The following IQCM variants were observed in gnomAD, a reference collection of about 807,000 sequenced individuals.
IQCM encodes the protein IQ domain-containing protein M.
IQCM carries 45 observed loss-of-function variants against 57.6 expected under a neutral mutation model. That is an observed-to-expected ratio of 0.78 (90% CI 0.62 to 1.00). IQCM has a LOEUF of 1.00. Ranked by LOEUF, IQCM falls within the 50% of genes least tolerant of loss-of-function variation. The pLI, the probability that IQCM is intolerant of heterozygous loss-of-function variation, is 0.00. For synonymous variants in IQCM, 148 were observed against 158.9 expected, an observed-to-expected ratio of 0.93 and a Z score of 0.51; for missense variants, 468 against 511.6, an observed-to-expected ratio of 0.91 and a Z score of 0.82.
At chr4:149,515,852 A>C (rs1292217420) in intron 12 of IQCM, among the ~76,000 whole-genome samples, 1 of 152,120 alleles carries the variant, frequency 6.6e-6, no homozygotes, top group African/African-American at 2.4e-5. Context: ...ATGTGGATGG[A>C]CCTCTCGGAG....
At chr4:149,813,447 T>C (rs1212292050) in intron 2 of IQCM, among the ~76,000 whole-genome samples, 1 of 152,026 alleles carries the variant, frequency 6.6e-6, no homozygotes, top group Non-Finnish European at 1.5e-5. Flanking sequence ...GTAATTGAAG[T>C]ACTACACCCA....
chr4:149,454,652 C>T (rs1412560187), intron 12 of IQCM, among the ~76,000 whole-genome samples: 1 of 151,980 alleles, frequency 6.6e-6, no homozygotes, highest in Non-Finnish European at 1.5e-5. Context: ...TTCATCCATA[C>T]ACTGGAATAT....
rs1444349222 is a variant in IQCM at position 149,648,183 on chromosome 4, A to G, written c.566-26939T>C. Among the ~76,000 whole-genome samples the G allele has an allele frequency of 2.0e-5, 3 of 152,170 alleles. 1 individual carries two copies. The highest frequency in any genetic ancestry group is 4.4e-5 in the Non-Finnish European group (3 of 68,034). ...TTTAGTATCTAATCTTATCATTCCA[A>G]TATCTGAATCTGATTGAAGCTGTTA... is the stretch of plus-strand genomic sequence containing the variant. On this transcript the variant is annotated intron_variant, in intron 7 of 13. Transcript: ENST00000636793.
chr4:149,720,419 G>C (rs1765351688), intron 5 of IQCM, among the ~76,000 whole-genome samples: 1 of 152,040 alleles, frequency 6.6e-6, no homozygotes, highest in Non-Finnish European at 1.5e-5. Flanking sequence ...AAAAGTTAGT[G>C]AACTTTGTGG....
intron 2 of IQCM, among the ~76,000 whole-genome samples, chr4:149,810,814 T>C (rs1352624485): frequency 6.6e-6 from 1 of 152,182 alleles, no homozygotes; most frequent in African/African-American, 2.4e-5. Context: ...TGGATTTGGA[T>C]TGGGTGATAA....
intron 2 of IQCM, among the ~76,000 whole-genome samples, chr4:149,793,986 G>T (rs981696690): frequency 6.6e-6 from 1 of 152,182 alleles, no homozygotes. Flanking sequence ...AAGCAGAGTG[G>T]CCAGAAAACT....
intron 7 of IQCM, among the ~76,000 whole-genome samples, chr4:149,679,557 G>A (rs1215842136): frequency 6.6e-6 from 1 of 151,360 alleles, no homozygotes; most frequent in Non-Finnish European, 1.5e-5. Context: ...AATATTTATG[G>A]TGATGGACAT....
chr4:149,699,299 C>T (rs72726193), intron 5 of IQCM, among the ~76,000 whole-genome samples: 31,648 of 151,938 alleles, frequency 0.21, 4,121 homozygotes, highest in Non-Finnish European at 0.28. Flanking sequence ...ATAGTATACA[C>T]TCTTCCCCAA....
rs1239747555 is a variant in IQCM, at chr4:149,521,690, TG to T, written c.1228+26764del. Among the ~76,000 whole-genome samples the T allele has an allele frequency of 9.8e-5, 15 of 152,348 alleles. No homozygotes were observed. In the South Asian group the frequency reaches 3.1e-3, roughly 32 times the overall value. On this transcript the variant is annotated intron_variant, in intron 12 of 13. Transcript: ENST00000636793. ...GCATTAAAGGCTTCACTGGACTAAT[TG>T]GGTGTGACTGAGACAAACATGAATT...
At chr4:149,525,089 A>T (rs772229799) in intron 12 of IQCM, among the ~76,000 whole-genome samples, 4 of 151,888 alleles carry the variant, frequency 2.6e-5, no homozygotes, top group Non-Finnish European at 5.9e-5. Context: ...AAGGAAAAAT[A>T]ATTCCAGTAT....
chr4:149,740,451 A>C (rs1767351130), intron 3 of IQCM, among the ~76,000 whole-genome samples: 1 of 152,192 alleles, frequency 6.6e-6, no homozygotes, highest in Admixed American at 6.6e-5. Flanking sequence ...CAGTCAGTTA[A>C]GATAGGCACT....
intron 8 of IQCM, among the ~76,000 whole-genome samples, chr4:149,604,317 C>A (rs976422129): frequency 1.3e-5 from 2 of 152,160 alleles, no homozygotes; most frequent in African/African-American, 4.8e-5. Context: ...ATCTACACAA[C>A]TAATATAAGC....
chr4:149,751,294 C>A (rs1214301579), intron 2 of IQCM, among the ~76,000 whole-genome samples: 2 of 152,312 alleles, frequency 1.3e-5, no homozygotes, highest in South Asian at 4.1e-4. Context: ...TCCGTGAATT[C>A]TTTCTTTACC....
At position 149,735,358 on chromosome 4, in the gene IQCM, T is replaced by C. The variant is rs1277273079; in HGVS notation, c.120+18A>G. 14 of 1,196,872 alleles carry C rather than the reference T, an allele frequency of 1.2e-5. No individual in the cohort carries two copies. Among genetic ancestry groups the C allele is most frequent in the Non-Finnish European group, 1.5e-5 (14 of 956,090 alleles). 74.1% of individuals were successfully genotyped at this position (1,196,872 alleles called of 1,614,324 possible). A position where few individuals can be genotyped will look rare whatever the true frequency, so the allele number is the denominator to read the frequency against. ...AAAAATTTTAAAATGTAACATTAGATAAATGCAAAGGACTAACCTCATTTA... is the reference window on the plus strand; with the variant it reads ...AAAAATTTTAAAATGTAACATTAGACAAATGCAAAGGACTAACCTCATTTA... On this transcript the variant is annotated intron_variant, in intron 4 of 13. Coordinates refer to ENST00000636793, the MANE Select transcript of IQCM (RefSeq NM_001363507.2).
chr4:149,548,354 G>A, intron 12 of IQCM, 101 bp downstream of exon 12: 1 of 959,442 alleles, frequency 1.0e-6, no homozygotes, highest in South Asian at 5.5e-5. Flanking sequence ...GTAAGGGAAG[G>A]AATGAAGAAA....
chr4:149,529,375 G>A (rs561158916), intron 12 of IQCM, among the ~76,000 whole-genome samples: 18 of 152,228 alleles, frequency 1.2e-4, no homozygotes, highest in African/African-American at 9.6e-5. Context: ...AGAAGAATAC[G>A]TTTTAAAAGG....
intron 2 of IQCM, among the ~76,000 whole-genome samples, chr4:149,808,592 T>C (rs1015998222): frequency 6.6e-6 from 1 of 152,176 alleles, no homozygotes; most frequent in Non-Finnish European, 1.5e-5. Flanking sequence ...TTTGAGGTGT[T>C]GGATATCTCA....
chr4:149,492,595 C>T (rs1742211614), intron 12 of IQCM, among the ~76,000 whole-genome samples: 1 of 152,052 alleles, frequency 6.6e-6, no homozygotes, highest in South Asian at 2.1e-4. Context: ...AGCCATAAGG[C>T]CCATTCGAAC....
chr4:149,747,116 C>G (rs758463639), intron 2 of IQCM, among the ~76,000 whole-genome samples: 3 of 152,160 alleles, frequency 2.0e-5, no homozygotes, highest in Non-Finnish European at 4.4e-5. Context: ...TGTCAAGTCT[C>G]CTGGTGTCTC....
Sources: allele counts gnomAD v4.1 joint callset (sites outside exome capture counted in the v4.1 genomes callset), GRCh38; gene constraint gnomAD v4.1.1; transcripts MANE v1.5; gene names NCBI Gene and HGNC (gene_info 2026-07-23, HGNC 2026-07-21).